The following RNF180 variants were observed in gnomAD, a reference collection of about 807,000 sequenced individuals.
The protein encoded by RNF180 is ring finger protein 180, also known as E3 ubiquitin-protein ligase RNF180.
A neutral mutation model predicts 59.2 loss-of-function variants in RNF180; 38 were observed. The ratio of observed to expected loss-of-function variants is 0.64; its 90% CI spans 0.50 to 0.84. RNF180 has a LOEUF of 0.84. Ranked by LOEUF, RNF180 falls within the 40% of genes least tolerant of loss-of-function variation. The pLI, the probability that RNF180 is intolerant of heterozygous loss-of-function variation, is 0.00. For missense variants in RNF180, 705 were observed against 700.9 expected (o/e 1.01, Z -0.07); for synonymous variants, 262 against 240.3 (o/e 1.09, Z -0.84).
At chr5:64,259,707 G>C (rs770347013) in intron 5 of RNF180, among the ~76,000 whole-genome samples, 5 of 152,132 alleles carry the variant, frequency 3.3e-5, no homozygotes, top group Non-Finnish European at 7.3e-5. Context: ...TGGCTCACCT[G>C]AGGTCAGGAG....
At chr5:64,321,033 G>A (rs1465761649) in intron 5 of RNF180, among the ~76,000 whole-genome samples, 6 of 142,206 alleles carry the variant, frequency 4.2e-5, no homozygotes, top group East Asian at 4.0e-4. Flanking sequence ...GCGAGACTCC[G>A]TCTCAAAAAA....
chr5:64,303,430 C>G (rs910835681), intron 5 of RNF180, among the ~76,000 whole-genome samples: 2 of 151,532 alleles, frequency 1.3e-5, no homozygotes, highest in South Asian at 4.2e-4. Flanking sequence ...AAATAGTTAG[C>G]TAAGTTGTGA....
chr5:64,302,770 G>C (rs1341913355), intron 5 of RNF180, among the ~76,000 whole-genome samples: 1 of 151,554 alleles, frequency 6.6e-6, no homozygotes, highest in Non-Finnish European at 1.5e-5. Flanking sequence ...TCTTTCCCCT[G>C]ATCTACTTTT....
At chr5:64,318,069 C>T (rs1001103234) in intron 5 of RNF180, among the ~76,000 whole-genome samples, 5 of 152,118 alleles carry the variant, frequency 3.3e-5, no homozygotes, top group Admixed American at 2.0e-4. Flanking sequence ...AATTTTCACA[C>T]CATCCTAAGT....
intron 5 of RNF180, among the ~76,000 whole-genome samples, chr5:64,226,905 C>A (rs1406727462): frequency 1.3e-5 from 2 of 152,150 alleles, no homozygotes; most frequent in East Asian, 3.9e-4. Context: ...AGTTGGCAAC[C>A]AAAAAGTCCT....
Position 64,213,556 on chromosome 5 carries a change from A to G in RNF180, c.232-2A>G, listed in dbSNP as rs906000604. ...GTCTTTATTCTTCTTTATTACCTGT[A>G]GGCCCAGTGGACAGTTGGAAAACTG... On this transcript the variant is annotated splice_acceptor_variant, in intron 3 of 7. Transcript: ENST00000389100. LOFTEE classifies it high-confidence loss of function. The G allele has an allele frequency of 6.2e-7, 1 of 1,607,944 alleles. No individual in the cohort carries two copies. The highest frequency in any genetic ancestry group is 1.3e-5 in the African/African-American group (1 of 74,642).
At chr5:64,293,250 G>C (rs1742704087) in intron 5 of RNF180, among the ~76,000 whole-genome samples, 1 of 152,068 alleles carries the variant, frequency 6.6e-6, no homozygotes, top group African/African-American at 2.4e-5. Context: ...CCTGCTCCTG[G>C]GGGGGCTGTT....
At chr5:64,259,427 C>T (rs988650034) in intron 5 of RNF180, among the ~76,000 whole-genome samples, 5 of 152,086 alleles carry the variant, frequency 3.3e-5, no homozygotes, top group African/African-American at 9.7e-5. Context: ...AGAGAGATTT[C>T]CTTAGTCATC....
At chr5:64,365,817 T>G (rs1746427858) in intron 7 of RNF180, among the ~76,000 whole-genome samples, 1 of 151,844 alleles carries the variant, frequency 6.6e-6, no homozygotes, top group East Asian at 1.9e-4. Context: ...TGCTTTCCAT[T>G]TGCTTGATAG....
At chr5:64,315,158 T>G (rs1334858657) in intron 5 of RNF180, among the ~76,000 whole-genome samples, 1 of 152,216 alleles carries the variant, frequency 6.6e-6, no homozygotes, top group Non-Finnish European at 1.5e-5. Flanking sequence ...AAAAAGTATT[T>G]GTTAATATCA....
chr5:64,358,829 C>T (rs1328951509), intron 7 of RNF180, among the ~76,000 whole-genome samples: 1 of 144,868 alleles, frequency 6.9e-6, no homozygotes, highest in Non-Finnish European at 1.5e-5. Context: ...ATTCCCCTTC[C>T]TGTGTCCATG....
chr5:64,336,439 C>T (rs1415092696), intron 7 of RNF180, among the ~76,000 whole-genome samples: 1 of 152,196 alleles, frequency 6.6e-6, no homozygotes, highest in East Asian at 1.9e-4. Flanking sequence ...TAAAAACACT[C>T]TAATGAATAT....
At chr5:64,329,478 G>T (rs1440022559) in intron 6 of RNF180, among the ~76,000 whole-genome samples, 2 of 132,872 alleles carry the variant, frequency 1.5e-5, no homozygotes, top group Non-Finnish European at 3.1e-5. Flanking sequence ...TTTTTCCCAA[G>T]ATGGAGTCTC....
At chr5:64,186,288 C>T (rs17796598) in intron 1 of RNF180, among the ~76,000 whole-genome samples, 68,342 of 151,880 alleles carry the variant, frequency 0.45, 16,830 homozygotes, top group African/African-American at 0.66. Context: ...TATGGCAAAT[C>T]AGACAAATAC....
chr5:64,324,614 A>G lies in RNF180; in HGVS notation c.1228-572A>G, dbSNP rs569608098. On this transcript the variant is annotated intron_variant, in intron 5 of 7. Coordinates refer to ENST00000389100, the MANE Select transcript of RNF180 (RefSeq NM_001113561.2). ...GGAGAGAGGCTCATCATGTTTCCCC[A>G]TAGCAAGGCTAATCCCATAATTACT... 7.9e-5 allele frequency among the ~76,000 whole-genome samples: 12 copies of G among 152,348 alleles called. No homozygotes were observed. In the South Asian group the frequency reaches 2.3e-3, roughly 29 times the overall value.
At position 64,369,805 on chromosome 5, in the gene RNF180, T is replaced by G; in HGVS notation, c.1770T>G (p.Phe590Leu). 6.7e-7 allele frequency: 1 copy of G among 1,502,776 alleles called. No homozygotes were observed. Among genetic ancestry groups the G allele is most frequent in the Non-Finnish European group, 8.9e-7 (1 of 1,124,638 alleles). 93.1% of individuals were successfully genotyped at this position (1,502,776 alleles called of 1,614,324 possible). A position where few individuals can be genotyped will look rare whatever the true frequency, so the allele number is the denominator to read the frequency against. Reference protein sequence around the residue: ...IVFCFLCYFFFPF With the variant: ...IVFCFLCYFFLPF ...TCTGCTTTCTTTGCTATTTTTTCTT[T>G]CCGTTTTAGGAATTTCATACCTTAC... Residue 590 changes from phenylalanine (F) to leucine (L), a missense_variant, in exon 8 of 8, where the codon TTT becomes TTG. Physicochemically the swap from Phe to Leu is conservative, Grantham distance 22 (BLOSUM62 0). Coordinates refer to ENST00000389100, the MANE Select transcript of RNF180 (RefSeq NM_001113561.2).
At chr5:64,310,298 T>A (rs1342149913) in intron 5 of RNF180, among the ~76,000 whole-genome samples, 1 of 151,724 alleles carries the variant, frequency 6.6e-6, no homozygotes, top group Non-Finnish European at 1.5e-5. Context: ...TAAAAGTAAA[T>A]GTTCACAATT....
chr5:64,204,882 A>G (rs1259403812), intron 2 of RNF180, among the ~76,000 whole-genome samples: 1 of 152,072 alleles, frequency 6.6e-6, no homozygotes, highest in Non-Finnish European at 1.5e-5. Flanking sequence ...GGTTCTTTCC[A>G]TCCTGAGGGT....
At chr5:64,242,152 C>T (rs548210171) in intron 5 of RNF180, among the ~76,000 whole-genome samples, 12 of 152,340 alleles carry the variant, frequency 7.9e-5, no homozygotes, top group African/African-American at 2.6e-4. Context: ...CCCTACCCTA[C>T]TGCCATGTCT....
Sources: gnomAD v4.1 joint callset for allele counts (sites outside exome capture counted in the v4.1 genomes callset) on GRCh38, gnomAD v4.1.1 for gene constraint, MANE v1.5 for transcripts, NCBI Gene and HGNC (gene_info 2026-07-23, HGNC 2026-07-21) for gene names.